SASH1: variants seen among roughly 807,000 people sequenced by gnomAD.
SASH1 encodes the protein SAM and SH3 domain-containing protein 1.
A neutral mutation model predicts 125.2 loss-of-function variants in SASH1; 44 were observed. That is an observed-to-expected ratio of 0.35 (90% CI 0.28 to 0.45). SASH1 has a LOEUF of 0.45. Among genes scored for constraint, SASH1 ranks in the 20% least tolerant of loss-of-function variants. SASH1 has a pLI of 1.00. For synonymous variants in SASH1, 639 were observed against 649.1 expected, an observed-to-expected ratio of 0.98 and a Z score of 0.24; for missense variants, 1,426 against 1,614.5, an observed-to-expected ratio of 0.88 and a Z score of 2.00.
At chr6:148,197,871 A>G in the SASH1 span, among the ~76,000 whole-genome samples, 1 of 152,114 alleles carries the variant, frequency 6.6e-6, no homozygotes, top group East Asian at 1.9e-4. Flanking sequence ...TTGTTTTGAG[A>G]TGGAGTCTGG....
At chr6:148,508,903 G>A (rs1194640014) in intron 8 of SASH1, 9 of 1,224,912 alleles carry the variant, frequency 7.3e-6, no homozygotes, top group Non-Finnish European at 9.7e-6. Flanking sequence ...CGTTCAATGG[G>A]AAAGAAAGAA....
intron 1 of SASH1, among the ~76,000 whole-genome samples, chr6:148,313,936 A>G (rs1780406048): frequency 6.6e-6 from 1 of 152,150 alleles, no homozygotes; most frequent in Admixed American, 6.5e-5. Context: ...CAACTTCAAC[A>G]AGGAAACCTT....
chr6:148,240,472 T>G, the SASH1 span, among the ~76,000 whole-genome samples: 28 of 152,252 alleles, frequency 1.8e-4, no homozygotes, highest in Non-Finnish European at 3.4e-4. Context: ...GTCATTGGTT[T>G]ACAATTAAGT....
intron 1 of SASH1, among the ~76,000 whole-genome samples, chr6:148,369,966 C>CAAAAAAAAAAAAAAAAA (rs562924566): frequency 6.0e-3 from 554 of 92,526 alleles, no homozygotes; most frequent in Middle Eastern, 0.013. Flanking sequence ...AAAAGAAAAA[C>CAAAAAAAAAAAAAAAAA]AAAAAAAAAA....
intron 1 of SASH1, chr6:148,379,981 G>T (rs553156233): frequency 3.5e-5 from 16 of 456,116 alleles, no homozygotes; most frequent in Non-Finnish European, 6.2e-5. Context: ...GCGGAACGTA[G>T]GTGCCACACA....
At chr6:148,367,038 C>G (rs1242746002) in intron 1 of SASH1, among the ~76,000 whole-genome samples, 1 of 137,158 alleles carries the variant, frequency 7.3e-6, no homozygotes, top group African/African-American at 2.8e-5. Context: ...ATGGCGTGAT[C>G]TCTGCTCACT....
chr6:148,506,718 T>C (rs1451579466), intron 8 of SASH1, among the ~76,000 whole-genome samples: 1 of 152,188 alleles, frequency 6.6e-6, no homozygotes, highest in African/African-American at 2.4e-5. Flanking sequence ...TTTACCCCAG[T>C]CTCACTGGGG....
At chr6:148,531,688 A>ATTTTC (rs1396588507) in intron 13 of SASH1, 27 bp downstream of exon 13, 1 of 1,472,302 alleles carries the variant, frequency 6.8e-7, no homozygotes, top group Non-Finnish European at 9.0e-7. Flanking sequence ...ATTGTAGATT[A>ATTTTC]TTTTCTTTGG....
chr6:148,374,198 G>A (rs1057493505), intron 1 of SASH1, among the ~76,000 whole-genome samples: 11 of 152,170 alleles, frequency 7.2e-5, no homozygotes, highest in African/African-American at 2.2e-4. Context: ...TAGGGCAATC[G>A]AGAAGCATAA....
chr6:148,222,501 C>T, the SASH1 span, among the ~76,000 whole-genome samples: 1 of 151,878 alleles, frequency 6.6e-6, no homozygotes, highest in Non-Finnish European at 1.5e-5. Flanking sequence ...CGCTTCTGCC[C>T]CATAGAGCTG....
chr6:148,537,791 TG>T (rs1781944492), intron 16 of SASH1, among the ~76,000 whole-genome samples: 1 of 80,264 alleles, frequency 1.2e-5, no homozygotes, highest in African/African-American at 5.4e-5. Context: ...TGTGTGTGTG[TG>T]TGTGTGTGTG....
intron 4 of SASH1, among the ~76,000 whole-genome samples, chr6:148,452,991 C>T (rs903344318): frequency 9.9e-5 from 15 of 152,230 alleles, no homozygotes; most frequent in African/African-American, 3.6e-4. Context: ...ACGCGTGCAC[C>T]ATTGCACAGC....
intron 2 of SASH1, among the ~76,000 whole-genome samples, chr6:148,433,942 G>A (rs943614043): frequency 6.6e-6 from 1 of 151,368 alleles, no homozygotes; most frequent in South Asian, 2.1e-4. Flanking sequence ...ATATATTAAA[G>A]TAATTGAAAA....
chr6:148,443,493 T>TATAC (rs58185049), intron 4 of SASH1, among the ~76,000 whole-genome samples: 1 of 53,492 alleles, frequency 1.9e-5, no homozygotes, highest in Admixed American at 1.5e-4. Flanking sequence ...ATATATATTT[T>TATAC]ATATATATGT....
intron 1 of SASH1, among the ~76,000 whole-genome samples, chr6:148,374,728 A>C: frequency 6.6e-6 from 1 of 150,430 alleles, no homozygotes; most frequent in Admixed American, 6.7e-5. Context: ...ATGGAGTCTC[A>C]CTCTTGTCAC....
At chr6:148,471,388 T>TC in intron 5 of SASH1, 29 bp from the exon 6 acceptor site, 2 of 42,494 alleles carry the variant, frequency 4.7e-5, no homozygotes, top group South Asian at 9.3e-4. Context: ...TTTTTGTTCT[T>TC]TTTTTTTTTT....
chr6:148,356,070 G>GTTTTTT (rs200129121), intron 1 of SASH1, among the ~76,000 whole-genome samples: 46 of 139,734 alleles, frequency 3.3e-4, no homozygotes, highest in Admixed American at 3.6e-4. Context: ...GTATCATTCT[G>GTTTTTT]TTTTTTTTTT....
intron 2 of SASH1, among the ~76,000 whole-genome samples, chr6:148,434,063 A>ATTTTT (rs758854072): frequency 1.4e-5 from 1 of 69,360 alleles, no homozygotes. Context: ...GGAACTGGAG[A>ATTTTT]TTTTTTTTTT....
chr6:148,237,468 A>C, the SASH1 span: 1 of 152,160 alleles, frequency 6.6e-6, no homozygotes, highest in Admixed American at 6.5e-5. Context: ...TTACTTACCA[A>C]CTATGCCCAG....
Sources: allele counts gnomAD v4.1 joint callset (sites outside exome capture counted in the v4.1 genomes callset), GRCh38; gene constraint gnomAD v4.1.1; transcripts MANE v1.5; gene names NCBI Gene and HGNC (gene_info 2026-07-23, HGNC 2026-07-21).